BAAT: variants seen among roughly 807,000 people sequenced by gnomAD.
BAAT encodes bile acid CoA: amino acid N-acyltransferase (glycine N-choloyltransferase).
A neutral mutation model predicts 18.9 loss-of-function variants in BAAT; 13 were observed. The observed-to-expected ratio is 0.69, with a 90% CI of 0.45 to 1.10. The LOEUF (loss-of-function observed/expected upper bound fraction) is 1.10, where lower values mean the gene tolerates loss of function less well. BAAT is among the 50% of genes least tolerant of loss of function. BAAT has a pLI of 0.00. For missense variants in BAAT, 489 were observed against 504.0 expected, an observed-to-expected ratio of 0.97 and a Z score of 0.28; for synonymous variants, 170 against 190.7, an observed-to-expected ratio of 0.89 and a Z score of 0.89.
intron 1 of BAAT, among the ~76,000 whole-genome samples, chr9:101,383,698 C>G (rs745519570): frequency 2.6e-5 from 4 of 152,164 alleles, no homozygotes; most frequent in Non-Finnish European, 5.9e-5. Context: ...TTTCTGTTCT[C>G]TCTAAATCCG....
At chr9:101,367,736 T>C (rs145481196) in intron 3 of BAAT, among the ~76,000 whole-genome samples, 4 of 152,280 alleles carry the variant, frequency 2.6e-5, no homozygotes, top group African/African-American at 9.6e-5. Context: ...TCCTCCCATC[T>C]TGGCCTCCCA....
intron 2 of BAAT, among the ~76,000 whole-genome samples, chr9:101,370,642 G>A (rs12341591): frequency 2.2e-3 from 328 of 152,162 alleles, no homozygotes; most frequent in African/African-American, 7.7e-3. Flanking sequence ...TAAACTATAT[G>A]TAGTCACATT....
At chr9:101,369,552 G>A (rs1465161716) in intron 2 of BAAT, among the ~76,000 whole-genome samples, 1 of 152,132 alleles carries the variant, frequency 6.6e-6, no homozygotes, top group Non-Finnish European at 1.5e-5. Context: ...GTGTTCAAGA[G>A]GATTCACAAA....
Position 101,362,554 on chromosome 9 carries a change from G to A in BAAT, c.1131C>T (p.Thr377=), listed in dbSNP as rs758706991. The change falls in exon 4 of 4, where the codon ACC becomes ACT. Residue 377 remains threonine, a synonymous_variant. Transcript: ENST00000259407. ...PYSPLCCAST[T]HDLRLHWGGE... is the part of the protein sequence containing the mutation. ...CTCCCCAGTGTAACCTCAAATCGTG[G>A]GTCGTTGAGGCACAGCACAGAGGAG... The A allele has an allele frequency of 6.2e-6, 10 of 1,614,096 alleles. No individual in the cohort carries two copies. In the East Asian group the frequency reaches 1.6e-4, roughly 25 times the overall value.
intron 3 of BAAT, among the ~76,000 whole-genome samples, chr9:101,364,964 C>T (rs968267638): frequency 3.3e-5 from 5 of 152,112 alleles, no homozygotes; most frequent in South Asian, 2.1e-4. Context: ...GGCAGAAAAG[C>T]CACAGATTAA....
intron 3 of BAAT, among the ~76,000 whole-genome samples, chr9:101,366,293 G>A (rs548267182): frequency 1.3e-5 from 2 of 152,156 alleles, no homozygotes; most frequent in Non-Finnish European, 2.9e-5. Flanking sequence ...TTTTTAATAT[G>A]TTTCTGTCCC....
intron 1 of BAAT, among the ~76,000 whole-genome samples, chr9:101,379,875 A>T (rs2119038787): frequency 6.6e-6 from 1 of 152,262 alleles, no homozygotes; most frequent in East Asian, 1.9e-4. Flanking sequence ...TATTAATGTT[A>T]TTTATCTCTC....
chr9:101,366,646 A>C (rs1331290615), intron 3 of BAAT, among the ~76,000 whole-genome samples: 1 of 152,170 alleles, frequency 6.6e-6, no homozygotes, highest in Non-Finnish European at 1.5e-5. Flanking sequence ...TTCTCATCTA[A>C]GCCAAGAAGA....
At chr9:101,370,320 C>CTTTT (rs749077224) in intron 2 of BAAT, among the ~76,000 whole-genome samples, 15 of 103,670 alleles carry the variant, frequency 1.4e-4, no homozygotes, top group East Asian at 2.6e-4. Context: ...ATGCATTATC[C>CTTTT]TTTTTTTTTT....
chr9:101,363,048 T>C, intron 3 of BAAT, 33 bp from the exon 4 acceptor site: 1 of 1,587,560 alleles, frequency 6.3e-7, no homozygotes, highest in Non-Finnish European at 8.6e-7. Context: ...GAAATTATTC[T>C]AGCCTTCATT....
rs1829715987 is a variant in BAAT, at chr9:101,361,188, T to A, written c.*1240A>T. On this transcript the variant is annotated 3_prime_UTR_variant, in exon 4 of 4. Coordinates refer to ENST00000259407, the MANE Select transcript of BAAT (RefSeq NM_001701.4). Reference sequence around the variant, plus strand: ...AGTGGGTGGATGATGGAGATCAGAATGATCCATCTCAATGAGATGAATTAG... The same window carrying A: ...AGTGGGTGGATGATGGAGATCAGAAAGATCCATCTCAATGAGATGAATTAG... 1 of 154,966 alleles carries A rather than the reference T, an allele frequency of 6.5e-6. No individual in the cohort carries two copies. The highest frequency in any genetic ancestry group is 2.0e-4 in the South Asian group (1 of 4,908). The allele number at this position is 154,966 out of a possible 1,614,324, so 9.6% of individuals were successfully genotyped here.
chr9:101,382,723 C>G (rs1482851902), intron 1 of BAAT, among the ~76,000 whole-genome samples: 1 of 152,170 alleles, frequency 6.6e-6, no homozygotes, highest in South Asian at 2.1e-4. Context: ...CAGACCCATA[C>G]AGATTTGCCA....
At chr9:101,381,471 C>G (rs1300320335) in intron 1 of BAAT, among the ~76,000 whole-genome samples, 1 of 152,158 alleles carries the variant, frequency 6.6e-6, no homozygotes, top group African/African-American at 2.4e-5. Context: ...ATGCAGTGAG[C>G]TGTGATCATG....
chr9:101,370,194 A>C (rs2119024436), intron 2 of BAAT, among the ~76,000 whole-genome samples: 1 of 152,292 alleles, frequency 6.6e-6, no homozygotes, highest in East Asian at 1.9e-4. Flanking sequence ...CTATAAGATT[A>C]GAGCTATAAG....
At chr9:101,368,024 C>T in intron 3 of BAAT, 96 bp downstream of exon 3, 1 of 1,336,464 alleles carries the variant, frequency 7.5e-7, no homozygotes, top group Non-Finnish European at 1.1e-6. Flanking sequence ...TGCACTCCAG[C>T]CTGGGTGACG....
intron 3 of BAAT, among the ~76,000 whole-genome samples, chr9:101,366,486 G>A (rs1455798281): frequency 6.6e-6 from 1 of 152,068 alleles, no homozygotes; most frequent in African/African-American, 2.4e-5. Context: ...CTCAGAGTCT[G>A]GGGAAAAAAA....
chr9:101,368,269 G>A lies in BAAT; in HGVS notation c.520C>T (p.Leu174Phe). 6.2e-7 allele frequency: 1 copy of A among 1,613,408 alleles called. No homozygotes were observed. The highest frequency in any genetic ancestry group is 2.2e-5 in the East Asian group (1 of 44,860). Residue 174 changes from leucine to phenylalanine, a missense_variant, in exon 3 of 4, where the codon CTT (leucine) becomes TTT (phenylalanine). Transcript: ENST00000259407. Reference protein sequence around the residue: ...IDLFGGLGGLLEFRASLLASR... With the variant: ...IDLFGGLGGLFEFRASLLASR... ...GCTAGGAGGCTGGCCCGAAATTCAA[G>A]CAGCCCACCCAAACCACCAAACAAA... is the stretch of plus-strand genomic sequence containing the variant.
In BAAT at chr9:101,362,965, A is replaced by C; in HGVS notation, c.720T>G (p.Ile240Met). The change falls in exon 4 of 4, where the codon ATT becomes ATG. Residue 240 changes from isoleucine to methionine, a missense_variant. By Grantham distance (10) the Ile-to-Met change is conservative. Transcript: ENST00000259407. ...TTAGGTAAATAGCCATAGATAGTCC[A>C]ATCTGTACTCCTTGACATACAGAGA... The part of the protein sequence containing the change: ...GVVSVCQGVQ[I>M]GLSMAIYLKQ... 1 of 1,614,100 alleles carries C rather than the reference A, an allele frequency of 6.2e-7. No individual in the cohort carries two copies. Among genetic ancestry groups the C allele is most frequent in the Non-Finnish European group, 8.5e-7 (1 of 1,179,996 alleles).
At chr9:101,370,160 A>G (rs1283352980) in intron 2 of BAAT, among the ~76,000 whole-genome samples, 1 of 152,086 alleles carries the variant, frequency 6.6e-6, no homozygotes, top group Non-Finnish European at 1.5e-5. Context: ...TTTCCATCAC[A>G]TCAAGATGAG....
Sources: gnomAD v4.1 joint callset for allele counts (sites outside exome capture counted in the v4.1 genomes callset) on GRCh38, gnomAD v4.1.1 for gene constraint, MANE v1.5 for transcripts, NCBI Gene and HGNC (gene_info 2026-07-23, HGNC 2026-07-21) for gene names.